Variants in TAFA4 observed in about 807,000 individuals in gnomAD.
TAFA4 encodes the protein chemokine-like protein TAFA-4.
TAFA4 carries 20 observed loss-of-function variants against 21.1 expected under a neutral mutation model. That is an observed-to-expected ratio of 0.95 (90% confidence interval 0.67 to 1.38). The LOEUF (loss-of-function observed/expected upper bound fraction) is 1.38. Ranked by LOEUF, TAFA4 falls within the 40% of genes most tolerant of loss-of-function variation. The pLI, the probability that TAFA4 is intolerant of heterozygous loss-of-function variation, is 0.00. For missense variants in TAFA4, 211 were observed against 180.9 expected (o/e 1.17, Z -0.95); for synonymous variants, 71 against 67.4 (o/e 1.05, Z -0.26).
chr3:68,880,642 C>T, intron 3 of TAFA4, 88 bp downstream of exon 3: 2 of 1,055,012 alleles, frequency 1.9e-6, no homozygotes, highest in Non-Finnish European at 2.9e-6. Flanking sequence ...CAGAAGCTCA[C>T]ATCAGTTATC....
At chr3:68,777,489 T>C (rs2106791407) in intron 3 of TAFA4, among the ~76,000 whole-genome samples, 1 of 152,230 alleles carries the variant, frequency 6.6e-6, no homozygotes, top group African/African-American at 2.4e-5. Flanking sequence ...TGTAAATTAA[T>C]TAAAAATTTA....
intron 3 of TAFA4, among the ~76,000 whole-genome samples, chr3:68,818,858 A>G (rs1459777935): frequency 1.3e-5 from 2 of 152,258 alleles, no homozygotes; most frequent in Non-Finnish European, 2.9e-5. Flanking sequence ...AAAGTTTGAA[A>G]TATTATGAGA....
chr3:68,862,554 G>C (rs897931749), intron 3 of TAFA4, among the ~76,000 whole-genome samples: 3 of 152,082 alleles, frequency 2.0e-5, no homozygotes, highest in African/African-American at 7.2e-5. Flanking sequence ...GTCATCGACA[G>C]AGATTCCTCT....
intron 3 of TAFA4, among the ~76,000 whole-genome samples, chr3:68,838,162 T>C (rs1171153629): frequency 6.6e-6 from 1 of 152,108 alleles, no homozygotes; most frequent in East Asian, 1.9e-4. Flanking sequence ...CCATAGAAAG[T>C]AACAGCAAAA....
intron 3 of TAFA4, among the ~76,000 whole-genome samples, chr3:68,833,025 G>A (rs1420781310): frequency 6.6e-6 from 1 of 152,240 alleles, no homozygotes; most frequent in Non-Finnish European, 1.5e-5. Context: ...GCACAGGAGG[G>A]AACCTCCTGG....
chr3:68,820,322 A>AT (rs1216423329), intron 3 of TAFA4, among the ~76,000 whole-genome samples: 1 of 152,206 alleles, frequency 6.6e-6, no homozygotes, highest in African/African-American at 2.4e-5. Flanking sequence ...TTCAGGGAGA[A>AT]TAAGTTCAAG....
chr3:68,791,859 G>C (rs1703367062), intron 3 of TAFA4, among the ~76,000 whole-genome samples: 1 of 152,312 alleles, frequency 6.6e-6, no homozygotes, highest in African/African-American at 2.4e-5. Flanking sequence ...CTAGAAATTA[G>C]AACCTTGATG....
intron 3 of TAFA4, among the ~76,000 whole-genome samples, chr3:68,862,286 T>C (rs1268097787): frequency 6.6e-6 from 1 of 152,114 alleles, no homozygotes; most frequent in Non-Finnish European, 1.5e-5. Context: ...AAACACATAT[T>C]GTAAGTGCAT....
chr3:68,915,244 A>G (rs1314453481), intron 1 of TAFA4, among the ~76,000 whole-genome samples: 3 of 152,210 alleles, frequency 2.0e-5, no homozygotes, highest in African/African-American at 7.2e-5. Context: ...AGTTCTTAGG[A>G]CAAGCTCTGG....
rs1165889010 is a variant in TAFA4, at chr3:68,885,209, C to A, written c.-21G>T. 1 of 1,611,360 alleles carries A rather than the reference C, an allele frequency of 6.2e-7. No homozygotes were observed. On this transcript the variant is annotated 5_prime_UTR_variant, in exon 2 of 6. Transcript: ENST00000295569. ...CTCATAAGATGTGGTTCTAGTCAAA[C>A]ACACTTATTCCAGGATATATTTCAG...
intron 1 of TAFA4, among the ~76,000 whole-genome samples, chr3:68,904,977 T>C (rs1291228115): frequency 6.6e-6 from 1 of 152,158 alleles, no homozygotes; most frequent in Non-Finnish European, 1.5e-5. Flanking sequence ...CACAGGTGGC[T>C]GCTACCCATA....
intron 3 of TAFA4, among the ~76,000 whole-genome samples, chr3:68,843,868 A>G (rs1456716440): frequency 1.3e-5 from 2 of 152,182 alleles, no homozygotes; most frequent in African/African-American, 4.8e-5. Flanking sequence ...GGATGAAGCC[A>G]ACTTGATTGT....
intron 3 of TAFA4, among the ~76,000 whole-genome samples, chr3:68,858,162 C>T (rs775341121): frequency 6.6e-6 from 1 of 152,050 alleles, no homozygotes; most frequent in Non-Finnish European, 1.5e-5. Flanking sequence ...GCTTCTCCAC[C>T]TTTTGGCTAA....
intron 4 of TAFA4, among the ~76,000 whole-genome samples, chr3:68,744,515 T>G (rs979551509): frequency 3.9e-5 from 6 of 152,156 alleles, no homozygotes; most frequent in African/African-American, 1.2e-4. Context: ...AAGTGAGAAA[T>G]TGCGGAATAA....
At chr3:68,928,238 A>C (rs1323618746) in intron 1 of TAFA4, among the ~76,000 whole-genome samples, 4 of 152,252 alleles carry the variant, frequency 2.6e-5, no homozygotes, top group African/African-American at 7.2e-5. Flanking sequence ...AAAGCCATCT[A>C]GTAACCAGAA....
At chr3:68,869,435 A>G (rs2089457396) in intron 3 of TAFA4, among the ~76,000 whole-genome samples, 1 of 152,128 alleles carries the variant, frequency 6.6e-6, no homozygotes, top group African/African-American at 2.4e-5. Context: ...AATATCCCTG[A>G]TGAACACAGA....
At chr3:68,922,451 AGAATTT>A (rs1450283627) in intron 1 of TAFA4, among the ~76,000 whole-genome samples, 2 of 152,216 alleles carry the variant, frequency 1.3e-5, no homozygotes, top group East Asian at 3.8e-4. Flanking sequence ...AACAAAGTTC[AGAATTT>A]GCAGAGGATC....
At chr3:68,759,555 A>G (rs9840400) in intron 3 of TAFA4, among the ~76,000 whole-genome samples, 41,915 of 151,968 alleles carry the variant, frequency 0.28, 7,218 homozygotes, top group Non-Finnish European at 0.39. Context: ...ACTTCAAGTA[A>G]ATTCACTTAA....
At chr3:68,789,139 G>A (rs189951759) in intron 3 of TAFA4, among the ~76,000 whole-genome samples, 282 of 151,994 alleles carry the variant, frequency 1.9e-3, no homozygotes, top group African/African-American at 6.3e-3. Context: ...GCTGAGGCAG[G>A]AGAATGGTGT....
Sources: allele counts gnomAD v4.1 joint callset (sites outside exome capture counted in the v4.1 genomes callset), GRCh38; gene constraint gnomAD v4.1.1; transcripts MANE v1.5; gene names NCBI Gene and HGNC (gene_info 2026-07-23, HGNC 2026-07-21).